DSCAM: variants seen among roughly 807,000 people sequenced by gnomAD.
DSCAM encodes DS cell adhesion molecule.
A neutral mutation model predicts 217.7 loss-of-function variants in DSCAM; 47 were observed. That is an observed-to-expected ratio of 0.22 (90% CI 0.17 to 0.28). The LOEUF (loss-of-function observed/expected upper bound fraction) is 0.28. Ranked by LOEUF, DSCAM falls within the 10% of genes least tolerant of loss-of-function variation. The pLI is 1.00. For synonymous variants in DSCAM, 1,056 were observed against 1,015.3 expected, an observed-to-expected ratio of 1.04 and a Z score of -0.76; for missense variants, 2,080 against 2,618.3, an observed-to-expected ratio of 0.79 and a Z score of 4.49.
Position 40,120,379 on chromosome 21 carries a change from A to G in DSCAM, c.3696+3816T>C, listed in dbSNP as rs139107164. ...TAGCATTGTGAAACAGACAATGTCT[A>G]TATCATAATGCTTATTTAATGTGTA... On this transcript the variant is annotated intron_variant, in intron 20 of 32. Transcript: ENST00000400454. Among the ~76,000 whole-genome samples, 7 of 152,368 alleles carry G rather than the reference A, an allele frequency of 4.6e-5. No individual in the cohort carries two copies. The East Asian group carries it at 1.4e-3, about 29-fold the overall frequency.
intron 11 of DSCAM, among the ~76,000 whole-genome samples, chr21:40,228,009 T>G (rs2091348452): frequency 6.6e-6 from 1 of 152,200 alleles, no homozygotes; most frequent in Admixed American, 6.5e-5. Context: ...TGACTGTCAG[T>G]CTTGAGGAAT....
chr21:40,200,743 G>A (rs1201232299), intron 11 of DSCAM, among the ~76,000 whole-genome samples: 6 of 152,126 alleles, frequency 3.9e-5, no homozygotes, highest in African/African-American at 4.8e-5. Flanking sequence ...TTTCATCTCC[G>A]TTTCCTCATC....
At chr21:40,611,544 A>T (rs1457564675) in intron 3 of DSCAM, among the ~76,000 whole-genome samples, 1 of 152,146 alleles carries the variant, frequency 6.6e-6, no homozygotes. Context: ...ACTGCCCAAC[A>T]CTGTGTGTGG....
At chr21:40,378,783 C>T (rs907168989) in intron 3 of DSCAM, among the ~76,000 whole-genome samples, 5 of 151,218 alleles carry the variant, frequency 3.3e-5, no homozygotes, top group Non-Finnish European at 7.4e-5. Flanking sequence ...TTAGTAGAGA[C>T]GGGGTTTCAC....
In DSCAM at chr21:40,692,899, A is replaced by G. The variant is rs373273630; in HGVS notation, c.419T>C (p.Val140Ala). The G allele has an allele frequency of 1.2e-5, 20 of 1,613,952 alleles. No individual in the cohort carries two copies. The highest frequency in any genetic ancestry group is 3.3e-5 in the Admixed American group (2 of 60,002). ...GGGGATAATGCACTTGAAGACCGCA[A>G]CATTGCCTCTCATGGTTTTCTGGTC... ...VEDQKTMRGN[V>A]AVFKCIIPSS... The change falls in exon 3 of 33, where the codon GTT becomes GCT. Residue 140 changes from valine to alanine, a missense_variant. By Grantham distance (64) the Val-to-Ala change is moderately conservative (BLOSUM62 0). Around this residue, in one of 5 missense-constraint regions of DSCAM, gnomAD observed 568 missense variants for 678.1 expected, o/e 0.84. Coordinates refer to ENST00000400454, the MANE Select transcript of DSCAM (RefSeq NM_001389.5).
intron 3 of DSCAM, among the ~76,000 whole-genome samples, chr21:40,455,282 G>T (rs574404003): frequency 1.3e-5 from 2 of 152,172 alleles, no homozygotes; most frequent in East Asian, 3.9e-4. Flanking sequence ...TGAATGAAAA[G>T]AACTGAATGA....
chr21:40,827,588 G>A (rs952000004), intron 1 of DSCAM, among the ~76,000 whole-genome samples: 1 of 147,248 alleles, frequency 6.8e-6, no homozygotes, highest in Non-Finnish European at 1.5e-5. Flanking sequence ...AAGAAGACCT[G>A]ATCAGTGTGT....
rs550157882 is a variant in DSCAM, at chr21:40,310,180, G to C, written c.2062+1901C>G. Among the ~76,000 whole-genome samples, 133 of 152,304 alleles carry C rather than the reference G, an allele frequency of 8.7e-4. 1 individual carries two copies. Among genetic ancestry groups the C allele is most frequent in the African/African-American group, 3.1e-3 (129 of 41,572 alleles). ...GCAATCTGAATGTACAACAAAGTTT[G>C]AGAACCACTAACTAGTGATTTTTGG... On this transcript the variant is annotated intron_variant, in intron 9 of 32. Transcript: ENST00000400454.
At chr21:40,694,077 C>T (rs541351886) in intron 2 of DSCAM, among the ~76,000 whole-genome samples, 2 of 152,260 alleles carry the variant, frequency 1.3e-5, no homozygotes, top group South Asian at 4.1e-4. Context: ...TGGGTAAGGC[C>T]ACACTTACCA....
intron 3 of DSCAM, among the ~76,000 whole-genome samples, chr21:40,372,898 TG>T (rs2074912726): frequency 6.6e-6 from 1 of 152,160 alleles, no homozygotes; most frequent in South Asian, 2.1e-4. Flanking sequence ...ATCCAGCGCT[TG>T]GTGTCAGTTC....
At position 40,814,138 on chromosome 21, in the gene DSCAM, G is replaced by A. The variant is rs145441100; in HGVS notation, c.43+32481C>T. ...CAAAGGCATTAATATAAGCACATGT[G>A]ACCAAAATGCAACTGGAGCATACTA... On this transcript the variant is annotated intron_variant, in intron 1 of 32. Coordinates refer to ENST00000400454, the MANE Select transcript of DSCAM (RefSeq NM_001389.5). Among the ~76,000 whole-genome samples, 133 of 152,272 alleles carry A rather than the reference G, an allele frequency of 8.7e-4. 3 individuals are homozygous for A. Among genetic ancestry groups the A allele is most frequent in the Non-Finnish European group, 1.6e-4 (11 of 68,026 alleles).
intron 3 of DSCAM, among the ~76,000 whole-genome samples, chr21:40,481,260 C>T (rs1203017519): frequency 6.6e-6 from 1 of 152,116 alleles, no homozygotes; most frequent in Non-Finnish European, 1.5e-5. Flanking sequence ...GAGGCCGAAG[C>T]AGACAGATCA....
chr21:40,515,748 C>T (rs181130091), intron 3 of DSCAM, among the ~76,000 whole-genome samples: 418 of 152,156 alleles, frequency 2.7e-3, no homozygotes, highest in African/African-American at 9.6e-3. Flanking sequence ...TCACACTCAG[C>T]GCACTCGTAG....
At chr21:40,170,909 G>C (rs2090649964) in intron 15 of DSCAM, among the ~76,000 whole-genome samples, 1 of 152,166 alleles carries the variant, frequency 6.6e-6, no homozygotes, top group African/African-American at 2.4e-5. Flanking sequence ...CTCTCAGGAA[G>C]ATGGCACACA....
chr21:40,811,809 A>G (rs1480342549), intron 1 of DSCAM, among the ~76,000 whole-genome samples: 2 of 152,172 alleles, frequency 1.3e-5, no homozygotes, highest in African/African-American at 4.8e-5. Flanking sequence ...CAGGCTGAGT[A>G]GATTGCGTTG....
At chr21:40,709,487 C>T (rs551499917) in intron 1 of DSCAM, among the ~76,000 whole-genome samples, 31 of 152,290 alleles carry the variant, frequency 2.0e-4, no homozygotes, top group Admixed American at 9.2e-4. Flanking sequence ...CTATCCCTCC[C>T]CTAGTTCCCC....
intron 3 of DSCAM, among the ~76,000 whole-genome samples, chr21:40,408,698 C>G (rs926228491): frequency 6.6e-6 from 1 of 152,112 alleles, no homozygotes; most frequent in African/African-American, 2.4e-5. Context: ...TTTCCTTCCC[C>G]GAGCCCACTC....
chr21:40,189,171 G>A lies in DSCAM; in HGVS notation c.2424C>T (p.Ser808=), dbSNP rs777889035. The A allele has an allele frequency of 1.5e-5, 24 of 1,613,524 alleles. No individual in the cohort carries two copies. The South Asian group carries it at 2.5e-4, about 17-fold the overall frequency. ...TGGGCTTCTCACCATGCGCCGTGCAGCTCATCTCCTTTTTCTGCCCCTGCG... is the reference window on the plus strand; with the variant it reads ...TGGGCTTCTCACCATGCGCCGTGCAACTCATCTCCTTTTTCTGCCCCTGCG... ...LATQGQKKEM[S]CTAHGEKPII... The change falls in exon 12 of 33, where the codon AGC becomes AGT. Residue 808 remains serine, a synonymous_variant. Coordinates refer to ENST00000400454, the MANE Select transcript of DSCAM (RefSeq NM_001389.5).
At chr21:40,261,321 T>A (rs1421306872) in intron 11 of DSCAM, among the ~76,000 whole-genome samples, 1 of 152,186 alleles carries the variant, frequency 6.6e-6, no homozygotes, top group Admixed American at 6.5e-5. Context: ...TCTATATGTA[T>A]CTGTGAGGGT....
Sources: allele counts gnomAD v4.1 joint callset (sites outside exome capture counted in the v4.1 genomes callset), GRCh38; gene constraint gnomAD v4.1.1; regional missense constraint gnomAD v4.1.1; transcripts MANE v1.5; gene names NCBI Gene and HGNC (gene_info 2026-07-23, HGNC 2026-07-21).